NRG3: variants seen among roughly 807,000 people sequenced by gnomAD.
NRG3 encodes the protein pro-neuregulin-3, membrane-bound isoform.
In NRG3, 31 loss-of-function variants were observed where a neutral mutation model predicts 66.9. The observed-to-expected ratio is 0.46, with a 90% CI of 0.35 to 0.63. The LOEUF (loss-of-function observed/expected upper bound fraction) is 0.63. Among genes scored for constraint, NRG3 ranks in the 20% least tolerant of loss-of-function variants. The pLI is 0.00. For missense variants in NRG3, 910 were observed against 878.9 expected (o/e 1.04, Z -0.45); for synonymous variants, 393 against 359.4 (o/e 1.09, Z -1.06).
chr10:82,546,852 G>A (rs938918860), intron 2 of NRG3, among the ~76,000 whole-genome samples: 1 of 152,052 alleles, frequency 6.6e-6, no homozygotes, highest in Non-Finnish European at 1.5e-5. Context: ...ATATTTCATG[G>A]ATCTCTCATA....
chr10:82,159,812 A>T (rs1396316086), intron 1 of NRG3, among the ~76,000 whole-genome samples: 1 of 151,898 alleles, frequency 6.6e-6, no homozygotes, highest in Non-Finnish European at 1.5e-5. Flanking sequence ...TACAAATAAG[A>T]AGAAGTCACT....
chr10:82,878,552 C>G (rs753833503), intron 4 of NRG3, among the ~76,000 whole-genome samples: 13 of 152,136 alleles, frequency 8.5e-5, no homozygotes, highest in Non-Finnish European at 1.9e-4. Context: ...GCGGCAAGTG[C>G]AGAATGCCTG....
At chr10:82,627,350 A>T (rs934261804) in intron 2 of NRG3, among the ~76,000 whole-genome samples, 7 of 152,076 alleles carry the variant, frequency 4.6e-5, no homozygotes, top group African/African-American at 1.2e-4. Flanking sequence ...CTGGGAATCT[A>T]TTTCAGGGCA....
At position 82,513,972 on chromosome 10, in the gene NRG3, C is replaced by T. The variant is rs188430998; in HGVS notation, c.953+155104C>T. Reference sequence around the variant, plus strand: ...ACCTTTTTTTCATATGTTTGTTGGCCGCATGTCTGTCTTCTTTTGAGAAGT... The same window carrying T: ...ACCTTTTTTTCATATGTTTGTTGGCTGCATGTCTGTCTTCTTTTGAGAAGT... On this transcript the variant is annotated intron_variant, in intron 2 of 8. Coordinates refer to ENST00000372141, the MANE Select transcript of NRG3 (RefSeq NM_001010848.4). Among the ~76,000 whole-genome samples the T allele has an allele frequency of 8.6e-5, 13 of 151,912 alleles. No individual in the cohort carries two copies. In the East Asian group the frequency reaches 1.6e-3, roughly 18 times the overall value.
At chr10:82,916,106 A>T (rs915617234) in intron 4 of NRG3, among the ~76,000 whole-genome samples, 39 of 152,144 alleles carry the variant, frequency 2.6e-4, no homozygotes, top group Admixed American at 2.6e-3. Context: ...TGATATCTGA[A>T]TAGAACTGTT....
At chr10:82,562,744 G>T (rs780402768) in intron 2 of NRG3, among the ~76,000 whole-genome samples, 1 of 151,796 alleles carries the variant, frequency 6.6e-6, no homozygotes, top group African/African-American at 2.4e-5. Context: ...CTGGAGTGAC[G>T]TGGGGACCTA....
intron 2 of NRG3, among the ~76,000 whole-genome samples, chr10:82,519,518 A>C (rs1380508573): frequency 6.6e-6 from 1 of 152,060 alleles, no homozygotes; most frequent in Non-Finnish European, 1.5e-5. Context: ...ACTTTCTTTA[A>C]ATTCCCTTTC....
chr10:82,985,557 A>C lies in NRG3; in HGVS notation c.2043A>C (p.Gln681His), dbSNP rs565820407. The change falls in exon 9 of 9, where the codon CAA (glutamine) becomes CAC (histidine). Residue 681 changes from glutamine to histidine, a missense_variant. Transcript: ENST00000372141. Reference sequence around the variant, plus strand: ...CAGCCAAATCAGAACGAGAGGCGCAATTTGTCTTAAGAAATGAAATACAAA... The same window carrying C: ...CAGCCAAATCAGAACGAGAGGCGCACTTTGTCTTAAGAAATGAAATACAAA... ...SPTAKSEREAQFVLRNEIQRD... is the reference protein window; with the variant it reads ...SPTAKSEREAHFVLRNEIQRD... 3 of 1,613,814 alleles carry C rather than the reference A, an allele frequency of 1.9e-6. No individual in the cohort carries two copies. The Admixed American group carries it at 5.0e-5, about 27-fold the overall frequency.
At chr10:82,708,796 A>G (rs2056478398) in intron 2 of NRG3, among the ~76,000 whole-genome samples, 2 of 152,102 alleles carry the variant, frequency 1.3e-5, no homozygotes, top group Admixed American at 1.3e-4. Context: ...AGTTTTATTG[A>G]CTTTTATAAG....
intron 1 of NRG3, among the ~76,000 whole-genome samples, chr10:82,032,102 C>T (rs1485749873): frequency 2.7e-5 from 4 of 145,470 alleles, no homozygotes; most frequent in Non-Finnish European, 4.5e-5. Context: ...TGACTTTTAT[C>T]TTGTTTGATT....
intron 2 of NRG3, among the ~76,000 whole-genome samples, chr10:82,568,613 G>C (rs973918070): frequency 4.6e-5 from 7 of 151,696 alleles, no homozygotes; most frequent in Non-Finnish European, 8.8e-5. Flanking sequence ...CAGAAGAGGT[G>C]AGTTAGGCAT....
In NRG3 at chr10:82,214,700, C is replaced by T. The variant is rs534208871; in HGVS notation, c.824-144039C>T. Among the ~76,000 whole-genome samples, 4 of 152,190 alleles carry T rather than the reference C, an allele frequency of 2.6e-5. No homozygotes were observed. In the South Asian group the frequency reaches 8.3e-4, roughly 32 times the overall value. On this transcript the variant is annotated intron_variant, in intron 1 of 8. Transcript: ENST00000372141. Reference sequence around the variant, plus strand: ...GCCCAGGCTGGTCTGGAACTCCTGGCCACAAGTGATCCTCCCACCTCAGCC... The same window carrying T: ...GCCCAGGCTGGTCTGGAACTCCTGGTCACAAGTGATCCTCCCACCTCAGCC...
chr10:81,981,225 A>G (rs1344781735), intron 1 of NRG3, among the ~76,000 whole-genome samples: 1 of 152,220 alleles, frequency 6.6e-6, no homozygotes, highest in Non-Finnish European at 1.5e-5. Flanking sequence ...ATCCTGAAGC[A>G]GAATTTCACT....
chr10:82,741,903 A>C (rs567429036), intron 3 of NRG3, among the ~76,000 whole-genome samples: 6 of 152,166 alleles, frequency 3.9e-5, no homozygotes, highest in Non-Finnish European at 8.8e-5. Context: ...CACAATTTTC[A>C]TATCTTAATG....
chr10:82,378,433 C>G (rs1382986043), intron 2 of NRG3, among the ~76,000 whole-genome samples: 1 of 152,166 alleles, frequency 6.6e-6, no homozygotes, highest in Non-Finnish European at 1.5e-5. Context: ...CTGGGTTGTT[C>G]TCCAAGTTGT....
chr10:82,216,573 G>GGT (rs367590464), intron 1 of NRG3, among the ~76,000 whole-genome samples: 7,611 of 119,338 alleles, frequency 0.064, 410 homozygotes, highest in East Asian at 0.36. Flanking sequence ...TATATATCTG[G>GGT]GTGTGTGTGT....
intron 3 of NRG3, among the ~76,000 whole-genome samples, chr10:82,742,558 T>G (rs971222845): frequency 3.3e-5 from 5 of 152,138 alleles, no homozygotes; most frequent in African/African-American, 1.2e-4. Flanking sequence ...ACAAGTCGCA[T>G]TCAGATCATG....
At chr10:82,295,331 G>T (rs890423553) in intron 1 of NRG3, among the ~76,000 whole-genome samples, 1 of 152,166 alleles carries the variant, frequency 6.6e-6, no homozygotes, top group Non-Finnish European at 1.5e-5. Context: ...TTGGTTGGTT[G>T]CCAGCGATAA....
At chr10:82,259,037 G>C (rs1424380502) in intron 1 of NRG3, among the ~76,000 whole-genome samples, 6 of 152,164 alleles carry the variant, frequency 3.9e-5, no homozygotes, top group African/African-American at 1.4e-4. Context: ...TGGGTGCTGG[G>C]TGTGACAGTC....
Sources: allele counts gnomAD v4.1 joint callset (sites outside exome capture counted in the v4.1 genomes callset), GRCh38; gene constraint gnomAD v4.1.1; transcripts MANE v1.5; gene names NCBI Gene and HGNC (gene_info 2026-07-23, HGNC 2026-07-21).